Variants in FARS2 observed in about 807,000 individuals in gnomAD.
FARS2 encodes the protein phenylalanine--tRNA ligase, mitochondrial.
Under a neutral mutation model 46.4 loss-of-function variants are expected in FARS2, and 40 were observed. The ratio of observed to expected loss-of-function variants is 0.86; its 90% CI spans 0.67 to 1.12. The LOEUF (loss-of-function observed/expected upper bound fraction) is 1.12. FARS2 is among the 50% of genes most tolerant of loss of function. The probability of loss-of-function intolerance (pLI) is 0.00; values close to 1 mark genes in which losing one functional copy is unlikely to be tolerated. For missense variants in FARS2, 513 were observed against 567.9 expected, an observed-to-expected ratio of 0.90 and a Z score of 0.98; for synonymous variants, 234 against 214.9, an observed-to-expected ratio of 1.09 and a Z score of -0.78.
chr6:5,739,039 A>G (rs772182107), intron 6 of FARS2, among the ~76,000 whole-genome samples: 8 of 152,108 alleles, frequency 5.3e-5, no homozygotes, highest in Non-Finnish European at 8.8e-5. Flanking sequence ...CCCCACCATC[A>G]CTACCCTCTG....
At chr6:5,673,695 C>T (rs1465468764) in intron 6 of FARS2, among the ~76,000 whole-genome samples, 1 of 152,094 alleles carries the variant, frequency 6.6e-6, no homozygotes, top group African/African-American at 2.4e-5. Context: ...TTCTGAGAAA[C>T]TCAAATGTAT....
At chr6:5,676,384 T>C (rs1778769160) in intron 6 of FARS2, among the ~76,000 whole-genome samples, 1 of 152,254 alleles carries the variant, frequency 6.6e-6, no homozygotes, top group Non-Finnish European at 1.5e-5. Flanking sequence ...ACTGGATACA[T>C]ATTTGCAAAT....
chr6:5,555,194 C>T (rs1302512147), intron 5 of FARS2, among the ~76,000 whole-genome samples: 1 of 152,122 alleles, frequency 6.6e-6, no homozygotes, highest in African/African-American at 2.4e-5. Flanking sequence ...CTTGTCACCA[C>T]CACATAAGAA....
intron 4 of FARS2, among the ~76,000 whole-genome samples, chr6:5,537,246 G>A (rs898852650): frequency 6.6e-6 from 1 of 152,230 alleles, no homozygotes; most frequent in Non-Finnish European, 1.5e-5. Context: ...TGGGGATAGA[G>A]GTTTGAGAAG....
rs189102360 is a variant in FARS2, at chr6:5,401,784, T to A, written c.613-2758T>A. Among the ~76,000 whole-genome samples, 7 of 152,284 alleles carry A rather than the reference T, an allele frequency of 4.6e-5. No homozygotes were observed. In the East Asian group the frequency reaches 1.4e-3, roughly 29 times the overall value. On this transcript the variant is annotated intron_variant, in intron 2 of 6. Coordinates refer to ENST00000274680, the MANE Select transcript of FARS2 (RefSeq NM_006567.5). Reference sequence around the variant, plus strand: ...AACTGAGTTGTTTGAAAATGTGGCTTCATTGTTGTCTTGTTTCCGTGTTGT... The same window carrying A: ...AACTGAGTTGTTTGAAAATGTGGCTACATTGTTGTCTTGTTTCCGTGTTGT...
rs557440945 is a variant in FARS2, at chr6:5,764,060, G to C, written c.1218-7231G>C. Among the ~76,000 whole-genome samples the C allele has an allele frequency of 1.5e-3, 234 of 152,214 alleles. No homozygotes were observed. Among genetic ancestry groups the C allele is most frequent in the Middle Eastern group, 0.01 (3 of 294 alleles). On this transcript the variant is annotated intron_variant, in intron 6 of 6. Transcript: ENST00000274680. This position sits in a 1 kb window ranked among gnomAD's most constrained non-coding sequence, Gnocchi z 4.1. ...AGCCACAGGAGTAAAGGAGGAAGATGGGGCGGATGCGTAGGTATGGAGCGC... is the reference window on the plus strand; with the variant it reads ...AGCCACAGGAGTAAAGGAGGAAGATCGGGCGGATGCGTAGGTATGGAGCGC...
chr6:5,719,065 G>A (rs550661856), intron 6 of FARS2, among the ~76,000 whole-genome samples: 16 of 152,172 alleles, frequency 1.1e-4, no homozygotes, highest in Admixed American at 2.6e-4. Context: ...CCTCTCCTAC[G>A]GATTTAGTTA....
At chr6:5,741,628 T>C (rs1331339236) in intron 6 of FARS2, among the ~76,000 whole-genome samples, 2 of 152,200 alleles carry the variant, frequency 1.3e-5, no homozygotes, top group Admixed American at 1.3e-4. Flanking sequence ...CTGGCTGCGC[T>C]GAAGGACTTC....
chr6:5,346,294 G>A (rs1215169766), intron 1 of FARS2, among the ~76,000 whole-genome samples: 1 of 152,184 alleles, frequency 6.6e-6, no homozygotes, highest in Non-Finnish European at 1.5e-5. Flanking sequence ...TAGTACTTGG[G>A]TGAATAAAAT....
At chr6:5,568,395 C>G (rs986884465) in intron 5 of FARS2, among the ~76,000 whole-genome samples, 8 of 152,206 alleles carry the variant, frequency 5.3e-5, no homozygotes, top group African/African-American at 1.9e-4. Context: ...TTCTGAGCAT[C>G]TGCTCTTGTG....
At chr6:5,277,911 G>A (rs1766448070) in intron 1 of FARS2, among the ~76,000 whole-genome samples, 1 of 152,136 alleles carries the variant, frequency 6.6e-6, no homozygotes, top group South Asian at 2.1e-4. Context: ...TGGGTATCCT[G>A]ACTTCATAAA....
intron 5 of FARS2, among the ~76,000 whole-genome samples, chr6:5,601,581 G>A (rs942627860): frequency 6.7e-6 from 1 of 149,704 alleles, no homozygotes; most frequent in African/African-American, 2.5e-5. Flanking sequence ...CAAAGTACAG[G>A]GGTTAACAGC....
chr6:5,401,433 T>G (rs543086237), intron 2 of FARS2, among the ~76,000 whole-genome samples: 4 of 152,328 alleles, frequency 2.6e-5, no homozygotes, highest in African/African-American at 9.6e-5. Context: ...TCTACTTTCC[T>G]CTTTGCTGCT....
intron 5 of FARS2, among the ~76,000 whole-genome samples, chr6:5,546,698 G>A (rs1394185515): frequency 6.7e-6 from 1 of 150,316 alleles, no homozygotes; most frequent in Admixed American, 6.6e-5. Flanking sequence ...CTTTATTTTT[G>A]ATAATTTTTA....
At chr6:5,546,509 C>G (rs536473196) in intron 5 of FARS2, among the ~76,000 whole-genome samples, 1 of 150,392 alleles carries the variant, frequency 6.6e-6, no homozygotes, top group Non-Finnish European at 1.5e-5. Flanking sequence ...CTTGGCCTCC[C>G]GAAGTGCTGG....
intron 4 of FARS2, among the ~76,000 whole-genome samples, chr6:5,509,064 G>A (rs1256100051): frequency 1.3e-5 from 2 of 152,204 alleles, no homozygotes. Flanking sequence ...CCATGCATGC[G>A]TGTGGCTGTG....
At chr6:5,708,132 T>C (rs1582807176) in intron 6 of FARS2, among the ~76,000 whole-genome samples, 1 of 151,988 alleles carries the variant, frequency 6.6e-6, no homozygotes. Flanking sequence ...ACTGTCTGGG[T>C]GGTAGAAGGG....
At chr6:5,559,162 G>A (rs1279955203) in intron 5 of FARS2, among the ~76,000 whole-genome samples, 3 of 151,476 alleles carry the variant, frequency 2.0e-5, no homozygotes, top group Admixed American at 6.6e-5. Context: ...CAGCACTTTG[G>A]GAGGCTGAAG....
intron 5 of FARS2, among the ~76,000 whole-genome samples, chr6:5,584,763 G>C (rs1024677533): frequency 2.6e-5 from 4 of 151,996 alleles, no homozygotes; most frequent in Non-Finnish European, 4.4e-5. Context: ...GAAAACAAAA[G>C]CTACTTTATT....
Sources: gnomAD v4.1 joint callset for allele counts (sites outside exome capture counted in the v4.1 genomes callset) on GRCh38, gnomAD v4.1.1 for gene constraint, Gnocchi (gnomAD v3.1) non-coding constraint, MANE v1.5 for transcripts, NCBI Gene and HGNC (gene_info 2026-07-23, HGNC 2026-07-21) for gene names.